Variants in NTAQ1 observed in about 807,000 individuals in gnomAD.
NTAQ1 encodes the protein protein N-terminal glutamine amidohydrolase.
A neutral mutation model predicts 28.2 loss-of-function variants in NTAQ1; 21 were observed. That is an observed-to-expected ratio of 0.74 (90% confidence interval 0.53 to 1.07). The LOEUF (loss-of-function observed/expected upper bound fraction) is 1.07, where lower values mean the gene tolerates loss of function less well. Among genes scored for constraint, NTAQ1 ranks in the 50% least tolerant of loss-of-function variants. The pLI is 0.00. For synonymous variants in NTAQ1, 105 were observed against 90.0 expected, an observed-to-expected ratio of 1.17 and a Z score of -0.94; for missense variants, 264 against 256.6, an observed-to-expected ratio of 1.03 and a Z score of -0.20.
rs562096564 is a variant in NTAQ1, at chr8:123,441,954, G to T, written c.*539G>T. ...CTATGGTATTGTTAAAAAGACTGCA[G>T]CCCTCTCAGACTTGAGCGTTAATTG... On this transcript the variant is annotated 3_prime_UTR_variant, in exon 6 of 6. Coordinates refer to ENST00000287387, the MANE Select transcript of NTAQ1 (RefSeq NM_018024.3). 1.3e-5 allele frequency: 2 copies of T among 152,984 alleles called. No individual in the cohort carries two copies. The highest frequency in any genetic ancestry group is 4.8e-5 in the African/African-American group (2 of 41,586). The allele number at this position is 152,984 out of a possible 1,614,324, so 9.5% of individuals were successfully genotyped here.
chr8:123,462,896 A>T (rs1009567740), intron 6 of NTAQ1, among the ~76,000 whole-genome samples: 1 of 152,222 alleles, frequency 6.6e-6, no homozygotes, highest in South Asian at 2.1e-4. Flanking sequence ...AAGATAAATT[A>T]AAAAGTCTGA....
At chr8:123,426,913 T>G (rs754064948) in intron 1 of NTAQ1, among the ~76,000 whole-genome samples, 5 of 151,564 alleles carry the variant, frequency 3.3e-5, no homozygotes, top group Non-Finnish European at 7.4e-5. Context: ...TGAGCCGAGA[T>G]CACACCACTG....
rs71310676 is a variant in NTAQ1 at position 123,420,590 on chromosome 8, C to CTT, written c.83+3676_83+3677dup. On this transcript the variant is annotated intron_variant, in intron 1 of 5. Transcript: ENST00000287387. ...CTTGCCAGCGTCTGTTATTTTTTGCCTTTTTTTTTTTTTTTTTTTGAGACA... is the reference window on the plus strand; with the variant it reads ...CTTGCCAGCGTCTGTTATTTTTTGCCTTTTTTTTTTTTTTTTTTTTTGAGACA... 6.5e-3 allele frequency among the ~76,000 whole-genome samples: 659 copies of CTT among 102,044 alleles called. 36 individuals are homozygous for CTT. The highest frequency in any genetic ancestry group is 0.022 in the East Asian group (64 of 2,976). The allele number at this position is 102,044 out of a possible 152,430, so 66.9% of individuals were successfully genotyped here.
intron 3 of NTAQ1, among the ~76,000 whole-genome samples, chr8:123,436,047 T>A (rs1814688623): frequency 6.6e-6 from 1 of 150,552 alleles, no homozygotes; most frequent in Non-Finnish European, 1.5e-5. Flanking sequence ...TGCGCGCTTG[T>A]AATCCCAGCT....
downstream of NTAQ1, among the ~76,000 whole-genome samples, chr8:123,472,715 A>C (rs1482162215): frequency 1.3e-5 from 2 of 152,252 alleles, no homozygotes; most frequent in East Asian, 3.8e-4. Flanking sequence ...CCCTGTTTCC[A>C]AACATGTCAC....
At chr8:123,446,428 C>T (rs186747760), downstream of NTAQ1, among the ~76,000 whole-genome samples, 2 of 152,194 alleles carry the variant, frequency 1.3e-5, no homozygotes, top group African/African-American at 2.4e-5. Context: ...CCTTTGTAGC[C>T]GAAAACAGCA....
intron 6 of NTAQ1, among the ~76,000 whole-genome samples, chr8:123,454,595 C>T (rs1010310958): frequency 7.2e-5 from 11 of 152,266 alleles, no homozygotes; most frequent in African/African-American, 2.2e-4. Context: ...GTCTCAAACG[C>T]CTGACCTCAG....
exon 7 of NTAQ1, among the ~76,000 whole-genome samples, chr8:123,468,366 C>T (rs952086309): frequency 2.0e-5 from 3 of 152,208 alleles, no homozygotes; most frequent in African/African-American, 4.8e-5. Flanking sequence ...AACAACTCCC[C>T]ATTTTCCTCT....
At chr8:123,451,265 C>G (rs1185112364), downstream of NTAQ1, among the ~76,000 whole-genome samples, 3 of 152,228 alleles carry the variant, frequency 2.0e-5, no homozygotes, top group African/African-American at 7.2e-5. Context: ...GTCAACATGA[C>G]AGTACCCTTT....
downstream of NTAQ1, among the ~76,000 whole-genome samples, chr8:123,470,957 G>T (rs1209851241): frequency 6.7e-6 from 1 of 148,616 alleles, no homozygotes; most frequent in Non-Finnish European, 1.5e-5. Flanking sequence ...ATAGCACGCT[G>T]TTGCTCAGGC....
intron 1 of NTAQ1, among the ~76,000 whole-genome samples, chr8:123,426,419 C>T (rs867643035): frequency 1.2e-4 from 19 of 152,174 alleles, no homozygotes; most frequent in African/African-American, 4.6e-4. Context: ...CCTGTAATCC[C>T]AGTACTTAGG....
chr8:123,461,340 C>A (rs2130424880), intron 6 of NTAQ1, among the ~76,000 whole-genome samples: 1 of 152,252 alleles, frequency 6.6e-6, no homozygotes, highest in Non-Finnish European at 1.5e-5. Context: ...GACTCACGTC[C>A]CCACTCCCTA....
chr8:123,417,369 C>G (rs909059827), intron 1 of NTAQ1, among the ~76,000 whole-genome samples: 1 of 152,108 alleles, frequency 6.6e-6, no homozygotes, highest in Non-Finnish European at 1.5e-5. Flanking sequence ...ACGCGTTGTT[C>G]TGGGTGGTTT....
intron 5 of NTAQ1, chr8:123,438,067 C>G (rs1814833804): frequency 3.1e-6 from 2 of 650,714 alleles, no homozygotes; most frequent in Non-Finnish European, 5.6e-6. Context: ...ATAATAAAAT[C>G]TGCATTAGAG....
At chr8:123,419,081 G>GTTTTTT (rs762479894) in intron 1 of NTAQ1, among the ~76,000 whole-genome samples, 20 of 119,920 alleles carry the variant, frequency 1.7e-4, no homozygotes, top group African/African-American at 2.4e-4. Flanking sequence ...AGCTTTGGGG[G>GTTTTTT]TTTTTTTTTT....
At chr8:123,449,899 C>CTCTCTCTCTCTCT (rs1563901878), downstream of NTAQ1, among the ~76,000 whole-genome samples, 2 of 105,598 alleles carry the variant, frequency 1.9e-5, no homozygotes, top group African/African-American at 7.2e-5. Flanking sequence ...CTCTATCTCT[C>CTCTCTCTCTCTCT]CATATGTATA....
chr8:123,440,383 T>G (rs1814984271), intron 5 of NTAQ1, among the ~76,000 whole-genome samples: 1 of 150,770 alleles, frequency 6.6e-6, no homozygotes, highest in Non-Finnish European at 1.5e-5. Context: ...CTCGAACTCC[T>G]GACCTCAAGT....
chr8:123,466,419 C>T (rs1273871294), intron 6 of NTAQ1, among the ~76,000 whole-genome samples: 1 of 152,220 alleles, frequency 6.6e-6, no homozygotes, highest in Non-Finnish European at 1.5e-5. Context: ...ACTTTCCCCT[C>T]ACCTCCCTGG....
chr8:123,468,294 C>T (rs1318077250), exon 7 of NTAQ1, among the ~76,000 whole-genome samples: 1 of 152,136 alleles, frequency 6.6e-6, no homozygotes, highest in Non-Finnish European at 1.5e-5. Flanking sequence ...AGTATATTTG[C>T]ATCATCATGC....
Sources: gnomAD v4.1 joint callset for allele counts (sites outside exome capture counted in the v4.1 genomes callset) on GRCh38, gnomAD v4.1.1 for gene constraint, MANE v1.5 for transcripts, NCBI Gene and HGNC (gene_info 2026-07-23, HGNC 2026-07-21) for gene names.